PDE6D: variants seen among roughly 807,000 people sequenced by gnomAD.
PDE6D encodes the protein retinal rod rhodopsin-sensitive cGMP 3',5'-cyclic phosphodiesterase subunit delta.
Under a neutral mutation model 21.9 loss-of-function variants are expected in PDE6D, and 10 were observed. The observed-to-expected ratio is 0.46, with a 90% CI of 0.28 to 0.78. PDE6D has a LOEUF of 0.78. Among genes scored for constraint, PDE6D ranks in the 30% least tolerant of loss-of-function variants. The pLI, the probability that PDE6D is intolerant of heterozygous loss-of-function variation, is 0.12. For missense variants in PDE6D, 139 were observed against 184.8 expected, an observed-to-expected ratio of 0.75 and a Z score of 1.44; for synonymous variants, 59 against 63.5, an observed-to-expected ratio of 0.93 and a Z score of 0.34.
At chr2:231,773,419 C>T (rs934633077) in intron 1 of PDE6D, among the ~76,000 whole-genome samples, 4 of 152,122 alleles carry the variant, frequency 2.6e-5, no homozygotes, top group Non-Finnish European at 5.9e-5. Context: ...CAGACAAAAC[C>T]TATATTATGG....
At chr2:231,759,430 CA>C (rs1348584877) in intron 1 of PDE6D, among the ~76,000 whole-genome samples, 10 of 152,060 alleles carry the variant, frequency 6.6e-5, no homozygotes, top group African/African-American at 2.2e-4. Flanking sequence ...GGGGGAAAAA[CA>C]GCCATTGGAG....
At chr2:231,753,542 C>A (rs1574625674) in intron 1 of PDE6D, among the ~76,000 whole-genome samples, 1 of 151,202 alleles carries the variant, frequency 6.6e-6, no homozygotes, top group Non-Finnish European at 1.5e-5. Context: ...CAGAGCAAGA[C>A]CCTGTCTCAA....
chr2:231,776,229 G>C (rs1412235939), intron 1 of PDE6D, among the ~76,000 whole-genome samples: 1 of 150,294 alleles, frequency 6.7e-6, no homozygotes, highest in Non-Finnish European at 1.5e-5. Context: ...GCTGAGGCAG[G>C]AGAATCGCTT....
chr2:231,752,917 T>C (rs1371297961), intron 1 of PDE6D, among the ~76,000 whole-genome samples: 1 of 145,684 alleles, frequency 6.9e-6, no homozygotes, highest in East Asian at 2.0e-4. Context: ...CACTGCAAGC[T>C]TCGCCTCCCA....
Position 231,781,202 on chromosome 2 carries a change from C to A in PDE6D, c.-88G>T. ...CAGGAGCCGAGGATGGAGCCGCAGC[C>A]CGGCTTGGAGACCTCGGGCTAGCAG... On this transcript the variant is annotated 5_prime_UTR_variant, in exon 1 of 5. Coordinates refer to ENST00000287600, the MANE Select transcript of PDE6D (RefSeq NM_002601.4). 2 of 1,375,770 alleles carry A rather than the reference C, an allele frequency of 1.5e-6. No individual in the cohort carries two copies. The highest frequency in any genetic ancestry group is 4.7e-5 in the East Asian group (2 of 42,188). The allele number at this position is 1,375,770 out of a possible 1,614,324, so 85.2% of individuals were successfully genotyped here. A position where few individuals can be genotyped will look rare whatever the true frequency, so the allele number is the denominator to read the frequency against.
rs1488286535 is a variant in PDE6D at position 231,781,094 on chromosome 2, C to G, written c.21G>C (p.Arg7=). Residue 7 remains arginine, a synonymous_variant, in exon 1 of 5, where the codon CGG becomes CGC. Coordinates refer to ENST00000287600, the MANE Select transcript of PDE6D (RefSeq NM_002601.4). ...TGAAGCCCCTCAGGATCTCCCTGGCCCGCTCGTCCTTGGCTGACATGATGC... is the reference window on the plus strand; with the variant it reads ...TGAAGCCCCTCAGGATCTCCCTGGCGCGCTCGTCCTTGGCTGACATGATGC... The part of the protein sequence containing the change: MSAKDE[R]AREILRGFKL... The G allele has an allele frequency of 6.2e-7, 1 of 1,613,418 alleles. No homozygotes were observed. The highest frequency in any genetic ancestry group is 8.5e-7 in the Non-Finnish European group (1 of 1,179,792).
intron 1 of PDE6D, among the ~76,000 whole-genome samples, chr2:231,766,688 T>C (rs1405136653): frequency 6.6e-6 from 1 of 152,112 alleles, no homozygotes; most frequent in Non-Finnish European, 1.5e-5. Flanking sequence ...CTTCAAATTA[T>C]AACTCTTAAA....
chr2:231,750,699 G>A (rs2048833039), intron 1 of PDE6D, among the ~76,000 whole-genome samples: 1 of 140,488 alleles, frequency 7.1e-6, no homozygotes, highest in Admixed American at 7.3e-5. Flanking sequence ...GTATAGACTG[G>A]GTTTCACTGT....
chr2:231,735,668 C>T (rs963579685), intron 4 of PDE6D, among the ~76,000 whole-genome samples: 3 of 151,880 alleles, frequency 2.0e-5, no homozygotes, highest in Non-Finnish European at 4.4e-5. Flanking sequence ...GCCTCAGCTT[C>T]CCAAGTAGCT....
chr2:231,740,638 G>A (rs927073458), intron 1 of PDE6D, among the ~76,000 whole-genome samples: 10 of 145,574 alleles, frequency 6.9e-5, no homozygotes, highest in Non-Finnish European at 1.5e-4. Flanking sequence ...CCGAGATCAT[G>A]CGACTGCACT....
intron 1 of PDE6D, among the ~76,000 whole-genome samples, chr2:231,780,527 C>G (rs1279842735): frequency 1.3e-5 from 2 of 152,144 alleles, no homozygotes; most frequent in Admixed American, 1.3e-4. Flanking sequence ...GGAAACCAGA[C>G]GGGGGTGGGG....
chr2:231,768,630 C>G (rs956806823), intron 1 of PDE6D: 1 of 152,306 alleles, frequency 6.6e-6, no homozygotes, highest in African/African-American at 2.4e-5. Context: ...CTCCTGACTT[C>G]AAGTGATCCA....
intron 2 of PDE6D, among the ~76,000 whole-genome samples, chr2:231,738,379 C>T (rs1192157891): frequency 6.6e-6 from 1 of 152,140 alleles, no homozygotes; most frequent in African/African-American, 2.4e-5. Flanking sequence ...TCAAGGAACA[C>T]CAGGTTTTGT....
intron 1 of PDE6D, among the ~76,000 whole-genome samples, chr2:231,750,089 A>C (rs2048826016): frequency 6.6e-6 from 1 of 152,032 alleles, no homozygotes; most frequent in Non-Finnish European, 1.5e-5. Context: ...TTCTCGTGCT[A>C]TTCTTGTGAT....
rs1478049018 is a variant in PDE6D at position 231,737,998 on chromosome 2, T to C, written c.265+15A>G. 2 of 1,610,942 alleles carry C rather than the reference T, an allele frequency of 1.2e-6. No homozygotes were observed. The highest frequency in any genetic ancestry group is 1.7e-6 in the Non-Finnish European group (2 of 1,178,440). On this transcript the variant is annotated intron_variant, in intron 3 of 4. Coordinates refer to ENST00000287600, the MANE Select transcript of PDE6D (RefSeq NM_002601.4). ...GCCCTAAGCCCTGATTTCAGGCATG[T>C]AGGCAGCAGAATACCTTCTAGGCAT...
At chr2:231,737,847 G>T in intron 3 of PDE6D, 166 bp downstream of exon 3, 2 of 642,314 alleles carry the variant, frequency 3.1e-6, no homozygotes. Context: ...GCTTTGTTTT[G>T]GTTTGTTTCA....
chr2:231,749,502 CTT>C (rs150014433), intron 1 of PDE6D, among the ~76,000 whole-genome samples: 316 of 122,888 alleles, frequency 2.6e-3, no homozygotes, highest in African/African-American at 6.9e-3. Flanking sequence ...TCAGATGAGA[CTT>C]TTTTTTTTTT....
intron 1 of PDE6D, among the ~76,000 whole-genome samples, chr2:231,774,423 T>C (rs890389259): frequency 6.6e-6 from 1 of 152,040 alleles, no homozygotes; most frequent in Non-Finnish European, 1.5e-5. Flanking sequence ...AGGCAGTAAG[T>C]CTAAACCTTG....
intron 2 of PDE6D, 136 bp from the exon 3 acceptor site, chr2:231,738,274 C>T (rs1164187574): frequency 1.2e-6 from 1 of 864,776 alleles, no homozygotes; most frequent in Non-Finnish European, 1.8e-6. Flanking sequence ...CACTTTCTTA[C>T]ATTTTGGATA....
Sources: gnomAD v4.1 joint callset for allele counts (sites outside exome capture counted in the v4.1 genomes callset) on GRCh38, gnomAD v4.1.1 for gene constraint, MANE v1.5 for transcripts, NCBI Gene and HGNC (gene_info 2026-07-23, HGNC 2026-07-21) for gene names.